Variants in OTUD5 observed in about 807,000 individuals in gnomAD.
OTUD5 encodes OTU deubiquitinase 5.
OTUD5 carries 2 observed loss-of-function variants against 36.3 expected under a neutral mutation model. That is an observed-to-expected ratio of 0.06 (90% CI 0.02 to 0.17). OTUD5 has a LOEUF of 0.17. OTUD5 is among the 10% of genes least tolerant of loss of function. The probability of loss-of-function intolerance (pLI) is 1.00; values close to 1 mark genes in which losing one functional copy is unlikely to be tolerated. For missense variants in OTUD5, 233 were observed against 512.3 expected, an observed-to-expected ratio of 0.45 and a Z score of 5.26; for synonymous variants, 234 against 214.9, an observed-to-expected ratio of 1.09 and a Z score of -0.78.
chrX:48,946,745 C>T (rs990780140), intron 1 of OTUD5, among the ~76,000 whole-genome samples: 5 of 112,400 alleles, frequency 4.4e-5, no homozygotes, highest in Admixed American at 1.9e-4. Context: ...CAGGGGTCTC[C>T]AGCAGGGATG....
At chrX:48,939,904 A>T (rs1339137075) in intron 2 of OTUD5, 8 of 112,904 alleles carry the variant, frequency 7.1e-5, no homozygotes, top group Non-Finnish European at 7.5e-5. Context: ...CTCCCAGAAG[A>T]GCCACAGCAA....
intron 5 of OTUD5, among the ~76,000 whole-genome samples, chrX:48,932,459 G>A (rs961055945): frequency 3.6e-5 from 4 of 109,636 alleles, no homozygotes; most frequent in Non-Finnish European, 5.7e-5. Flanking sequence ...CAAGTAGCTC[G>A]GATTACAGGT....
intron 2 of OTUD5, among the ~76,000 whole-genome samples, chrX:48,942,232 T>TACACACACACACACACAC (rs1484692862): frequency 5.0e-5 from 1 of 19,860 alleles, no homozygotes; most frequent in Admixed American, 7.9e-4. Context: ...GCTAGCTAGA[T>TACACACACACACACACAC]ACACACACAC....
intron 2 of OTUD5, among the ~76,000 whole-genome samples, chrX:48,942,244 T>TACATACACACACACACACAC (rs2063939226): frequency 1.8e-5 from 1 of 57,105 alleles, no homozygotes; most frequent in African/African-American, 7.5e-5. Context: ...CACACACACA[T>TACATACACACACACACACAC]ACACACACAC....
chrX:48,929,958 G>C (rs1187340438), intron 5 of OTUD5, among the ~76,000 whole-genome samples: 1 of 109,243 alleles, frequency 9.2e-6, no homozygotes, highest in Non-Finnish European at 1.9e-5. Flanking sequence ...CAAAAAATTA[G>C]CCAGGTGTGG....
intron 2 of OTUD5, among the ~76,000 whole-genome samples, chrX:48,943,450 G>A (rs1332103054): frequency 4.5e-5 from 5 of 111,786 alleles, no homozygotes; most frequent in African/African-American, 9.7e-5. Context: ...ATCCAATGTC[G>A]GGGTTTTGCT....
At chrX:48,946,870 C>T (rs2064038430) in intron 1 of OTUD5, among the ~76,000 whole-genome samples, 1 of 112,298 alleles carries the variant, frequency 8.9e-6, no homozygotes, top group Non-Finnish European at 1.9e-5. Context: ...AAAAGGAGAT[C>T]AAACAGGAGA....
At chrX:48,933,935 G>GA (rs1557049364) in intron 5 of OTUD5, among the ~76,000 whole-genome samples, 2 of 111,431 alleles carry the variant, frequency 1.8e-5, no homozygotes, top group South Asian at 3.7e-4. Flanking sequence ...AAATGAATGA[G>GA]AATCTATCGG....
At chrX:48,934,084 T>C (rs1411478662) in intron 5 of OTUD5, among the ~76,000 whole-genome samples, 2 of 111,588 alleles carry the variant, frequency 1.8e-5, no homozygotes, top group African/African-American at 6.5e-5. Context: ...CAGTGAGTGG[T>C]GGGGCCAGGC....
chrX:48,945,492 G>A (rs782567692), intron 1 of OTUD5, among the ~76,000 whole-genome samples: 11 of 108,745 alleles, frequency 1.0e-4, no homozygotes, highest in African/African-American at 3.0e-4. Flanking sequence ...GGATGGTCTC[G>A]ATCTCCTGAT....
intron 5 of OTUD5, among the ~76,000 whole-genome samples, chrX:48,931,292 A>G (rs782485670): frequency 4.5e-5 from 5 of 112,317 alleles, no homozygotes; most frequent in African/African-American, 1.6e-4. Flanking sequence ...ATGTAATGAC[A>G]ATGGCACTTT....
At chrX:48,950,886 A>C (rs1255941102) in intron 1 of OTUD5, among the ~76,000 whole-genome samples, 2 of 110,489 alleles carry the variant, frequency 1.8e-5, no homozygotes, top group Admixed American at 1.9e-4. Flanking sequence ...TAAACCACCC[A>C]GTCTGTGGTA....
At position 48,923,149 on chromosome X, in the gene OTUD5, A is replaced by G. The variant is rs782084845; in HGVS notation, c.*25T>C. On this transcript the variant is annotated 3_prime_UTR_variant, in exon 9 of 9. Coordinates refer to ENST00000376488, the MANE Select transcript of OTUD5 (RefSeq NM_001136157.2). Reference sequence around the variant, plus strand: ...AGAGCAGGAGTACTGGGGTTGGGAGATGGTGTCCAATCCCTGGGTCTCCAT... The same window carrying G: ...AGAGCAGGAGTACTGGGGTTGGGAGGTGGTGTCCAATCCCTGGGTCTCCAT... 8.3e-7 allele frequency: 1 copy of G among 1,209,790 alleles called. No homozygotes were observed. Among genetic ancestry groups the G allele is most frequent in the Admixed American group, 2.2e-5 (1 of 45,906 alleles).
At chrX:48,923,338 C>T (rs377062981) in intron 8 of OTUD5, 43 bp from the exon 9 acceptor site, 2 of 1,058,853 alleles carry the variant, frequency 1.9e-6, no homozygotes, top group African/African-American at 3.7e-5. Context: ...GGAGCGCTCT[C>T]AGCCTGCCTT....
At chrX:48,939,238 A>C (rs145539368) in intron 2 of OTUD5, among the ~76,000 whole-genome samples, 1,152 of 110,386 alleles carry the variant, frequency 0.01, 22 homozygotes, top group African/African-American at 0.036. Flanking sequence ...CCACCATCTT[A>C]GTCACCTTAC....
upstream of OTUD5, chrX:48,957,615 G>T: frequency 1.2e-6 from 1 of 803,106 alleles, no homozygotes; most frequent in Admixed American, 7.9e-5. Context: ...CGCGGGGCAC[G>T]CCGGGAGAGA....
chrX:48,943,456 T>C (rs2063968208), intron 2 of OTUD5, among the ~76,000 whole-genome samples: 1 of 111,973 alleles, frequency 8.9e-6, no homozygotes, highest in African/African-American at 3.2e-5. Context: ...TGTCGGGGTT[T>C]TGCTTTAAAA....
At chrX:48,953,705 G>C (rs1453295275) in intron 1 of OTUD5, among the ~76,000 whole-genome samples, 1 of 111,069 alleles carries the variant, frequency 9.0e-6, no homozygotes, top group Non-Finnish European at 1.9e-5. Flanking sequence ...TCATAGAGCA[G>C]ACTCTCAGCA....
chrX:48,953,251 A>G (rs1230095905), intron 1 of OTUD5, among the ~76,000 whole-genome samples: 2 of 111,568 alleles, frequency 1.8e-5, no homozygotes, highest in African/African-American at 3.3e-5. Context: ...TGTTCATTAC[A>G]ACATGGCTGC....
Sources: gnomAD v4.1 joint callset for allele counts (sites outside exome capture counted in the v4.1 genomes callset) on GRCh38, gnomAD v4.1.1 for gene constraint, MANE v1.5 for transcripts, NCBI Gene and HGNC (gene_info 2026-07-23, HGNC 2026-07-21) for gene names.